The following PCDH11X variants were observed in gnomAD, a reference collection of about 807,000 sequenced individuals.
PCDH11X encodes protocadherin 11 X-linked, also known as protocadherin-11 X-linked.
PCDH11X carries 18 observed loss-of-function variants against 53.3 expected under a neutral mutation model. That is an observed-to-expected ratio of 0.34 (90% CI 0.23 to 0.50). The LOEUF is 0.50. Among genes scored for constraint, PCDH11X ranks in the 20% least tolerant of loss-of-function variants. The pLI, the probability that PCDH11X is intolerant of heterozygous loss-of-function variation, is 0.98. For synonymous variants in PCDH11X, 279 were observed against 393.3 expected (o/e 0.71, Z 3.44); for missense variants, 570 against 1,032.4 (o/e 0.55, Z 6.14).
At chrX:92,011,643 C>T (rs1342552247) in intron 6 of PCDH11X, among the ~76,000 whole-genome samples, 1 of 111,066 alleles carries the variant, frequency 9.0e-6, no homozygotes, top group East Asian at 2.9e-4. Context: ...AGAGCAAACA[C>T]CAAAAACATA....
intron 6 of PCDH11X, among the ~76,000 whole-genome samples, chrX:91,966,381 T>C (rs1227735824): frequency 1.8e-5 from 2 of 109,905 alleles, no homozygotes; most frequent in Non-Finnish European, 3.8e-5. Flanking sequence ...TTTCCTAGAA[T>C]ATAAAGAGAT....
chrX:92,270,663 A>G (rs2067938106), intron 8 of PCDH11X, among the ~76,000 whole-genome samples: 1 of 111,823 alleles, frequency 8.9e-6, no homozygotes, highest in African/African-American at 3.3e-5. Context: ...ATACGGTCTC[A>G]TTATGGAATC....
rs750521137 is a variant in PCDH11X, at chrX:92,618,606, C to T, written c.3710C>T (p.Ser1237Leu). 5.8e-6 allele frequency: 7 copies of T among 1,210,238 alleles called. No individual in the cohort carries two copies. The highest frequency in any genetic ancestry group is 7.8e-6 in the Non-Finnish European group (7 of 895,190). ...QATALHHSPPSAQASALCYSP... is the reference protein window; with the variant it reads ...QATALHHSPPLAQASALCYSP... ...ACTGCACTTCACCACAGCCCACCAT[C>T]AGCACAGGCCTCAGCCCTCTGCTAC... is the stretch of plus-strand genomic sequence containing the variant. The change falls in exon 11 of 11, where the codon TCA becomes TTA. Residue 1237 changes from serine to leucine, a missense_variant. Ser to Leu is a moderately radical substitution (Grantham distance 145, BLOSUM62 -2). Transcript: ENST00000682573.
At chrX:91,963,678 GT>G (rs1369364470) in intron 6 of PCDH11X, among the ~76,000 whole-genome samples, 4 of 111,094 alleles carry the variant, frequency 3.6e-5, no homozygotes, top group African/African-American at 1.3e-4. Flanking sequence ...CCCACTCCTG[GT>G]ACCAATTTAC....
intron 6 of PCDH11X, among the ~76,000 whole-genome samples, chrX:92,163,776 C>T (rs943280112): frequency 4.5e-5 from 5 of 110,969 alleles, no homozygotes; most frequent in African/African-American, 1.6e-4. Flanking sequence ...TGTAGGAGTT[C>T]CGGAGCAAAG....
intron 9 of PCDH11X, among the ~76,000 whole-genome samples, chrX:92,444,970 T>A (rs765996044): frequency 1.0e-5 from 1 of 96,372 alleles, no homozygotes; most frequent in Non-Finnish European, 2.1e-5. Context: ...TAGTATTTTG[T>A]TGAGGATTTT....
At chrX:92,004,309 A>G (rs1376964598) in intron 6 of PCDH11X, among the ~76,000 whole-genome samples, 1 of 111,645 alleles carries the variant, frequency 9.0e-6, no homozygotes, top group African/African-American at 3.2e-5. Flanking sequence ...CATATTATCT[A>G]TCCTTGAGAA....
chrX:92,576,011 T>TATATACAC lies in PCDH11X; in HGVS notation c.3368-42252_3368-42251insTATACACA, dbSNP rs1376237034. Among the ~76,000 whole-genome samples the TATATACAC allele has an allele frequency of 3.6e-4, 10 of 28,086 alleles. 2 individuals carry two copies. The highest frequency in any genetic ancestry group is 3.1e-3 in the East Asian group (4 of 1,299). 24.4% of individuals were successfully genotyped at this position (28,086 alleles called of 115,157 possible). The stretch of plus-strand genomic sequence containing the variant: ...ATATATATATATATATATATATATA[T>TATATACAC]ACACACACACACACACACACACACA... On this transcript the variant is annotated intron_variant, in intron 10 of 10. Transcript: ENST00000682573.
chrX:92,555,919 A>G (rs1397075892), intron 10 of PCDH11X, among the ~76,000 whole-genome samples: 1 of 111,073 alleles, frequency 9.0e-6, no homozygotes, highest in African/African-American at 3.3e-5. Context: ...ACAATTTCAC[A>G]TTGCTGTGGA....
intron 8 of PCDH11X, among the ~76,000 whole-genome samples, chrX:92,305,814 A>G (rs895560629): frequency 1.8e-5 from 2 of 110,409 alleles, no homozygotes; most frequent in Admixed American, 9.7e-5. Flanking sequence ...CCACCCTTAC[A>G]TTTCTTACTA....
At chrX:91,979,103 A>G (rs1466706865) in intron 6 of PCDH11X, among the ~76,000 whole-genome samples, 2 of 111,526 alleles carry the variant, frequency 1.8e-5, no homozygotes, top group Non-Finnish European at 3.8e-5. Flanking sequence ...CAGACTGAAC[A>G]TATCGTATAC....
intron 4 of PCDH11X, among the ~76,000 whole-genome samples, chrX:91,816,133 C>T (rs1007662111): frequency 9.1e-6 from 1 of 110,153 alleles, no homozygotes; most frequent in Non-Finnish European, 1.9e-5. Context: ...GTCCCCACAC[C>T]CCCCCAAAAA....
intron 1 of PCDH11X, among the ~76,000 whole-genome samples, chrX:91,788,568 T>C (rs1417449140): frequency 8.9e-6 from 1 of 112,235 alleles, no homozygotes; most frequent in East Asian, 2.8e-4. Flanking sequence ...GGGAAGATTT[T>C]GAGTGCATTC....
chrX:92,177,685 A>G (rs1248021017), intron 6 of PCDH11X, among the ~76,000 whole-genome samples: 2 of 111,440 alleles, frequency 1.8e-5, no homozygotes, highest in Non-Finnish European at 3.8e-5. Context: ...TTTTGGTGCA[A>G]TATTCAGACA....
At chrX:92,083,988 T>TGAGGCAA (rs1463660135) in intron 6 of PCDH11X, among the ~76,000 whole-genome samples, 1 of 109,110 alleles carries the variant, frequency 9.2e-6, no homozygotes, top group East Asian at 2.9e-4. Flanking sequence ...CTCAAGAGGC[T>TGAGGCAA]GAGGCAAGAG....
chrX:92,429,597 A>G (rs1173797506), intron 9 of PCDH11X, among the ~76,000 whole-genome samples: 2 of 104,459 alleles, frequency 1.9e-5, no homozygotes, highest in Non-Finnish European at 3.9e-5. Context: ...TTATGAGGGG[A>G]AGAGAGACCC....
intron 10 of PCDH11X, among the ~76,000 whole-genome samples, chrX:92,493,646 C>CT (rs780482413): frequency 0.23 from 19,506 of 83,799 alleles, 2,877 homozygotes; most frequent in East Asian, 0.48. Context: ...GCCCCCTTAA[C>CT]TTTTTTTTTT....
chrX:91,844,999 G>C (rs1404135221), intron 5 of PCDH11X, among the ~76,000 whole-genome samples: 1 of 111,186 alleles, frequency 9.0e-6, no homozygotes, highest in African/African-American at 3.3e-5. Context: ...CAATTTAATG[G>C]ACTATAAATA....
At chrX:92,084,351 C>T (rs1294115969) in intron 6 of PCDH11X, among the ~76,000 whole-genome samples, 1 of 108,710 alleles carries the variant, frequency 9.2e-6, no homozygotes, top group Non-Finnish European at 1.9e-5. Flanking sequence ...AGTTCAAGAC[C>T]AGCCTGACCA....
Sources: gnomAD v4.1 joint callset for allele counts (sites outside exome capture counted in the v4.1 genomes callset) on GRCh38, gnomAD v4.1.1 for gene constraint, MANE v1.5 for transcripts, NCBI Gene and HGNC (gene_info 2026-07-23, HGNC 2026-07-21) for gene names.